ROBO2: variants seen among roughly 807,000 people sequenced by gnomAD.
ROBO2 encodes the protein roundabout homolog 2.
Under a neutral mutation model 160.8 loss-of-function variants are expected in ROBO2, and 53 were observed. The observed-to-expected ratio is 0.33, with a 90% CI of 0.26 to 0.41. ROBO2 has a LOEUF of 0.41. ROBO2 is among the 10% of genes least tolerant of loss of function. ROBO2 has a pLI of 1.00. For missense variants in ROBO2, 1,577 were observed against 1,722.4 expected, an observed-to-expected ratio of 0.92 and a Z score of 1.49; for synonymous variants, 664 against 611.7, an observed-to-expected ratio of 1.09 and a Z score of -1.26.
chr3:77,455,718 C>G (rs1321980980), intron 2 of ROBO2, among the ~76,000 whole-genome samples: 1 of 147,370 alleles, frequency 6.8e-6, no homozygotes, highest in Non-Finnish European at 1.5e-5. Flanking sequence ...GCGTGAGCCA[C>G]CGCGCCCGGC....
intron 16 of ROBO2, among the ~76,000 whole-genome samples, chr3:77,582,983 A>T (rs886779545): frequency 6.6e-6 from 1 of 151,542 alleles, no homozygotes; most frequent in African/African-American, 2.4e-5. Flanking sequence ...CTAGTAAAAT[A>T]CAAAAGAAAT....
chr3:76,979,569 G>A (rs1308854328), intron 2 of ROBO2, among the ~76,000 whole-genome samples: 1 of 151,572 alleles, frequency 6.6e-6, no homozygotes, highest in Admixed American at 6.6e-5. Context: ...TTGCTGAATG[G>A]TATTGGGGTG....
intron 2 of ROBO2, among the ~76,000 whole-genome samples, chr3:76,654,995 C>G (rs938393724): frequency 2.7e-5 from 4 of 149,674 alleles, no homozygotes; most frequent in Non-Finnish European, 5.9e-5. Flanking sequence ...TTAATATTCA[C>G]TTGATTTCAC....
intron 2 of ROBO2, among the ~76,000 whole-genome samples, chr3:76,960,773 A>C (rs1049161814): frequency 6.6e-6 from 1 of 152,316 alleles, no homozygotes; most frequent in South Asian, 2.1e-4. Flanking sequence ...CTGAATAATT[A>C]TATATGAATG....
At chr3:77,163,001 T>A (rs1350061189) in intron 2 of ROBO2, among the ~76,000 whole-genome samples, 3 of 151,808 alleles carry the variant, frequency 2.0e-5, no homozygotes, top group Admixed American at 2.0e-4. Context: ...AGCTAATTTT[T>A]TTTTTTGTAT....
chr3:76,499,376 C>CT (rs993541792), intron 2 of ROBO2, among the ~76,000 whole-genome samples: 5 of 152,166 alleles, frequency 3.3e-5, no homozygotes, highest in African/African-American at 1.2e-4. Flanking sequence ...ATAGGAGTCC[C>CT]TTTGTTGACA....
At chr3:76,183,632 A>G (rs902508195) in intron 2 of ROBO2, among the ~76,000 whole-genome samples, 2 of 152,132 alleles carry the variant, frequency 1.3e-5, no homozygotes, top group African/African-American at 4.8e-5. Flanking sequence ...GAGTAGAGAG[A>G]CAGAGAACCT....
chr3:76,116,918 C>G (rs2108267056), intron 2 of ROBO2, among the ~76,000 whole-genome samples: 1 of 152,240 alleles, frequency 6.6e-6, no homozygotes, highest in African/African-American at 2.4e-5. Flanking sequence ...AGACATTACT[C>G]TAGCTAGTAG....
chr3:76,343,757 A>C (rs2074368702), intron 2 of ROBO2, among the ~76,000 whole-genome samples: 1 of 152,048 alleles, frequency 6.6e-6, no homozygotes, highest in Non-Finnish European at 1.5e-5. Flanking sequence ...TGTGCCCAGC[A>C]GTATAGTAGA....
chr3:76,333,678 C>A (rs189740526), intron 2 of ROBO2, among the ~76,000 whole-genome samples: 2 of 152,272 alleles, frequency 1.3e-5, no homozygotes, highest in East Asian at 1.9e-4. Flanking sequence ...CCACTAACCA[C>A]GCAAGCAAAA....
At chr3:76,195,321 A>T (rs1702210620) in intron 2 of ROBO2, among the ~76,000 whole-genome samples, 1 of 152,156 alleles carries the variant, frequency 6.6e-6, no homozygotes, top group Non-Finnish European at 1.5e-5. Flanking sequence ...TATTTTAAAT[A>T]AGACATGGTC....
At chr3:77,642,976 C>G in intron 24 of ROBO2, 33 bp downstream of exon 26, 1 of 451,242 alleles carries the variant, frequency 2.2e-6, no homozygotes, top group Non-Finnish European at 4.5e-6. Context: ...AAAGTGTGGA[C>G]TGTTACCATT....
intron 2 of ROBO2, among the ~76,000 whole-genome samples, chr3:76,165,419 A>C (rs559710560): frequency 7.7e-4 from 116 of 151,488 alleles, no homozygotes; most frequent in Middle Eastern, 3.4e-3. Context: ...GCTCTGGATG[A>C]GGCTTTGGCT....
chr3:76,932,249 ATATTT>A (rs1357173926), intron 2 of ROBO2, among the ~76,000 whole-genome samples: 1 of 152,198 alleles, frequency 6.6e-6, no homozygotes, highest in Non-Finnish European at 1.5e-5. Flanking sequence ...AGTTGGAAAA[ATATTT>A]TATTCATTTA....
intron 2 of ROBO2, among the ~76,000 whole-genome samples, chr3:76,798,308 G>GAAAT (rs1553909509): frequency 6.7e-6 from 1 of 149,348 alleles, no homozygotes; most frequent in African/African-American, 2.5e-5. Flanking sequence ...AAGAAAGAAA[G>GAAAT]AAAGAAAAAA....
At chr3:77,066,485 A>G (rs77302870) in intron 1 of ROBO2, among the ~76,000 whole-genome samples, 3,393 of 152,238 alleles carry the variant, frequency 0.022, 47 homozygotes, top group Middle Eastern at 0.034. Context: ...TTCTTTAAAA[A>G]TGTGTTATCA....
intron 5 of ROBO2, among the ~76,000 whole-genome samples, chr3:77,514,780 C>T (rs1346927557): frequency 6.6e-6 from 1 of 151,710 alleles, no homozygotes; most frequent in Non-Finnish European, 1.5e-5. Flanking sequence ...GTTACAATGA[C>T]ATTAATATTA....
chr3:76,822,559 G>A (rs755463408), intron 2 of ROBO2, among the ~76,000 whole-genome samples: 55 of 151,686 alleles, frequency 3.6e-4, no homozygotes, highest in Non-Finnish European at 6.3e-4. Context: ...TACTTTACAT[G>A]TCTAAATTCA....
chr3:77,459,402 A>G (rs1157697064), intron 2 of ROBO2, among the ~76,000 whole-genome samples: 1 of 152,208 alleles, frequency 6.6e-6, no homozygotes, highest in Non-Finnish European at 1.5e-5. Context: ...GAAATTCGTT[A>G]TTCATCTGTT....
Sources: gnomAD v4.1 joint callset for allele counts (sites outside exome capture counted in the v4.1 genomes callset) on GRCh38, gnomAD v4.1.1 for gene constraint, MANE v1.5 for transcripts, NCBI Gene and HGNC (gene_info 2026-07-23, HGNC 2026-07-21) for gene names.